The following HSF2BP variants were observed in gnomAD, a reference collection of about 807,000 sequenced individuals.
HSF2BP encodes the protein heat shock factor 2-binding protein.
In HSF2BP, 35 loss-of-function variants were observed where a neutral mutation model predicts 35.0. The ratio of observed to expected loss-of-function variants is 1.00; its 90% confidence interval spans 0.76 to 1.32. The LOEUF (loss-of-function observed/expected upper bound fraction) is 1.32. Ranked by LOEUF, HSF2BP falls within the 40% of genes most tolerant of loss-of-function variation. HSF2BP has a pLI of 0.00. For missense variants in HSF2BP, 326 were observed against 321.7 expected, an observed-to-expected ratio of 1.01 and a Z score of -0.10; for synonymous variants, 114 against 117.4, an observed-to-expected ratio of 0.97 and a Z score of 0.18.
chr21:43,585,361 C>G (rs1219376585), intron 8 of HSF2BP, among the ~76,000 whole-genome samples: 3 of 152,090 alleles, frequency 2.0e-5, no homozygotes, highest in South Asian at 4.1e-4. Context: ...TTTGACTGTT[C>G]AGTAAGGAGA....
At chr21:43,653,893 A>AC (rs2082830645) in intron 3 of HSF2BP, among the ~76,000 whole-genome samples, 1 of 152,160 alleles carries the variant, frequency 6.6e-6, no homozygotes, top group African/African-American at 2.4e-5. Flanking sequence ...AGTGAGGAAG[A>AC]GAGACAGGTA....
At position 43,604,343 on chromosome 21, in the gene HSF2BP, G is replaced by A. The variant is rs201295228; in HGVS notation, c.692+9487C>T. ...AACACACCACACACACACACATCAC[G>A]CACACACCACACACACACCACACAG... On this transcript the variant is annotated intron_variant, in intron 7 of 8. Transcript: ENST00000291560. Among the ~76,000 whole-genome samples the A allele has an allele frequency of 2.0e-4, 17 of 86,290 alleles. No individual in the cohort carries two copies. In the East Asian group the frequency reaches 4.0e-3, roughly 20 times the overall value. The allele number at this position is 86,290 out of a possible 152,430, so 56.6% of individuals were successfully genotyped here.
intron 6 of HSF2BP, among the ~76,000 whole-genome samples, chr21:43,624,549 G>C (rs1423026516): frequency 6.6e-6 from 1 of 152,158 alleles, no homozygotes; most frequent in African/African-American, 2.4e-5. Context: ...GGATTGGCAG[G>C]CCAAGAGCAG....
chr21:43,598,381 G>GTT (rs376431039), intron 7 of HSF2BP, among the ~76,000 whole-genome samples: 74 of 90,840 alleles, frequency 8.1e-4, no homozygotes, highest in Admixed American at 7.2e-3. Context: ...ATTTTTGTGG[G>GTT]TTTTTTTGTT....
the HSF2BP span, among the ~76,000 whole-genome samples, chr21:43,467,940 C>T: frequency 3.8e-5 from 4 of 104,260 alleles, no homozygotes; most frequent in African/African-American, 1.5e-4. Flanking sequence ...ACCACACACA[C>T]ACACCACACA....
At chr21:43,580,700 C>T (rs1462750444) in intron 8 of HSF2BP, among the ~76,000 whole-genome samples, 1 of 152,212 alleles carries the variant, frequency 6.6e-6, no homozygotes, top group Admixed American at 6.5e-5. Context: ...GCAAAACTAT[C>T]AAGAGAAACA....
chr21:43,586,341 A>G (rs2081850854), intron 8 of HSF2BP, among the ~76,000 whole-genome samples: 1 of 152,218 alleles, frequency 6.6e-6, no homozygotes, highest in South Asian at 2.1e-4. Context: ...AGGGATGATT[A>G]ATAGCAACTG....
intron 4 of HSF2BP, among the ~76,000 whole-genome samples, chr21:43,635,759 A>C (rs1601705192): frequency 6.6e-6 from 1 of 152,096 alleles, no homozygotes; most frequent in East Asian, 1.9e-4. Context: ...TCTACTAAAA[A>C]TACAAAAGTT....
At chr21:43,647,606 G>A (rs1442594075) in intron 3 of HSF2BP, among the ~76,000 whole-genome samples, 1 of 152,110 alleles carries the variant, frequency 6.6e-6, no homozygotes, top group African/African-American at 2.4e-5. Context: ...TTCACAGGGA[G>A]GGTACAGAAA....
chr21:43,637,037 C>G (rs1478143642), intron 4 of HSF2BP, among the ~76,000 whole-genome samples: 1 of 151,954 alleles, frequency 6.6e-6, no homozygotes, highest in Non-Finnish European at 1.5e-5. Flanking sequence ...GCCTATAATC[C>G]CAGCACTTTG....
At chr21:43,591,986 T>C (rs950401344) in intron 8 of HSF2BP, among the ~76,000 whole-genome samples, 11 of 152,226 alleles carry the variant, frequency 7.2e-5, no homozygotes, top group African/African-American at 2.7e-4. Flanking sequence ...GTAGCGGTGC[T>C]GGCTTATTAT....
At chr21:43,603,930 G>C (rs774849981) in intron 7 of HSF2BP, among the ~76,000 whole-genome samples, 3 of 152,156 alleles carry the variant, frequency 2.0e-5, no homozygotes, top group Non-Finnish European at 2.9e-5. Context: ...GCAGAATCCA[G>C]TCTGATCCAC....
chr21:43,636,258 GAAAAGAAAAGAAAAA>G (rs1288890974), intron 4 of HSF2BP, among the ~76,000 whole-genome samples: 33 of 96,786 alleles, frequency 3.4e-4, no homozygotes, highest in South Asian at 1.1e-3. Context: ...GAAAAGAAAA[GAAAAGAAAAGAAAAA>G]ACGAAGGGGA....
At position 43,592,172 on chromosome 21, in the gene HSF2BP, A is replaced by G. The variant is rs965710816; in HGVS notation, c.796+53T>C. The G allele has an allele frequency of 7.6e-6, 9 of 1,180,468 alleles. No homozygotes were observed. The African/African-American group carries it at 1.2e-4, about 16-fold the overall frequency. 73.1% of individuals were successfully genotyped at this position (1,180,468 alleles called of 1,614,324 possible). A position where few individuals can be genotyped will look rare whatever the true frequency, so the allele number is the denominator to read the frequency against. ...GGAACGTATGCCCCGTGGATAAGGG[A>G]GGACTACTGCATAACCCGTACAAGC... On this transcript the variant is annotated intron_variant, in intron 8 of 8. Coordinates refer to ENST00000291560, the MANE Select transcript of HSF2BP (RefSeq NM_007031.2).
chr21:43,648,533 T>C (rs1568941871), intron 3 of HSF2BP, among the ~76,000 whole-genome samples: 1 of 151,970 alleles, frequency 6.6e-6, no homozygotes, highest in Non-Finnish European at 1.5e-5. Flanking sequence ...CCAACCCTGA[T>C]CACACTTTAA....
rs186300033 is a variant in HSF2BP at position 43,612,288 on chromosome 21, G to C, written c.692+1542C>G. Among the ~76,000 whole-genome samples the C allele has an allele frequency of 6.5e-4, 99 of 152,186 alleles. 1 individual carries two copies. The highest frequency in any genetic ancestry group is 5.4e-3 in the Admixed American group (83 of 15,292). On this transcript the variant is annotated intron_variant, in intron 7 of 8. Coordinates refer to ENST00000291560, the MANE Select transcript of HSF2BP (RefSeq NM_007031.2). ...AACTCTCATGGGAAAAAACAATCAA[G>C]AGACACCGAGGCCAGGATGACACAG...
chr21:43,601,589 G>T (rs2082052804), intron 7 of HSF2BP, among the ~76,000 whole-genome samples: 1 of 152,132 alleles, frequency 6.6e-6, no homozygotes. Context: ...ACCCAAAAAT[G>T]CCTTTCAGAA....
intron 8 of HSF2BP, among the ~76,000 whole-genome samples, chr21:43,588,293 G>A (rs139345872): frequency 0.012 from 1,756 of 152,206 alleles, 17 homozygotes; most frequent in Non-Finnish European, 0.02. Context: ...CAGGAGAATC[G>A]CTTGAACCCA....
At chr21:43,598,475 G>T (rs1311608501) in intron 7 of HSF2BP, among the ~76,000 whole-genome samples, 1 of 151,378 alleles carries the variant, frequency 6.6e-6, no homozygotes, top group Non-Finnish European at 1.5e-5. Context: ...ACCTGCCTTG[G>T]CTTCCCAAAG....
Sources: allele counts gnomAD v4.1 joint callset (sites outside exome capture counted in the v4.1 genomes callset), GRCh38; gene constraint gnomAD v4.1.1; transcripts MANE v1.5; gene names NCBI Gene and HGNC (gene_info 2026-07-23, HGNC 2026-07-21).